The following GALNT10 variants were observed in gnomAD, a reference collection of about 807,000 sequenced individuals.
GALNT10 encodes GalNAc transferase 10.
A neutral mutation model predicts 75.0 loss-of-function variants in GALNT10; 41 were observed. The ratio of observed to expected loss-of-function variants is 0.55; its 90% CI spans 0.43 to 0.71. GALNT10 has a LOEUF of 0.71. GALNT10 is among the 30% of genes least tolerant of loss of function. The pLI is 0.00. For synonymous variants in GALNT10, 302 were observed against 313.0 expected, an observed-to-expected ratio of 0.96 and a Z score of 0.37; for missense variants, 727 against 818.5, an observed-to-expected ratio of 0.89 and a Z score of 1.36.
intron 2 of GALNT10, among the ~76,000 whole-genome samples, chr5:154,297,464 C>T (rs1002582383): frequency 3.3e-5 from 5 of 152,224 alleles, no homozygotes; most frequent in Admixed American, 6.5e-5. Flanking sequence ...AGGCAACTCT[C>T]ATTTGACTCT....
intron 4 of GALNT10, among the ~76,000 whole-genome samples, chr5:154,330,374 G>T (rs982696863): frequency 6.6e-6 from 1 of 152,254 alleles, no homozygotes; most frequent in African/African-American, 2.4e-5. Context: ...AGGAAAGGGA[G>T]AAGTGGATTA....
chr5:154,409,475 T>C lies in GALNT10; in HGVS notation c.1165-66T>C, dbSNP rs539126048. 65 of 1,055,050 alleles carry C rather than the reference T, an allele frequency of 6.2e-5. 2 individuals are homozygous for C. In the East Asian group the frequency reaches 1.2e-3, roughly 20 times the overall value. The allele number at this position is 1,055,050 out of a possible 1,614,324, so 65.4% of individuals were successfully genotyped here. On this transcript the variant is annotated intron_variant, in intron 8 of 11. Transcript: ENST00000297107. This position sits in a 1 kb window ranked among gnomAD's most constrained non-coding sequence, Gnocchi z 4.5. ...TTGACCTCGACCTGCCAGGACCCTTTTCACCCCACTGCCTGGCTTTGGCTT... is the reference window on the plus strand; with the variant it reads ...TTGACCTCGACCTGCCAGGACCCTTCTCACCCCACTGCCTGGCTTTGGCTT...
At chr5:154,285,898 C>G (rs1483421707) in intron 1 of GALNT10, among the ~76,000 whole-genome samples, 1 of 152,210 alleles carries the variant, frequency 6.6e-6, no homozygotes, top group African/African-American at 2.4e-5. Flanking sequence ...ACACACTGCT[C>G]TTCCAGGCCC....
At chr5:154,380,705 C>T (rs1352577396) in intron 6 of GALNT10, 74 bp downstream of exon 6, 21 of 1,039,568 alleles carry the variant, frequency 2.0e-5, no homozygotes, top group South Asian at 3.1e-5. Flanking sequence ...AACTCAGGAT[C>T]GCCATCTCCC....
At chr5:154,251,512 A>G (rs1176228941) in intron 1 of GALNT10, among the ~76,000 whole-genome samples, 1 of 152,158 alleles carries the variant, frequency 6.6e-6, no homozygotes, top group Non-Finnish European at 1.5e-5. Context: ...GGATCCAGAG[A>G]CTTGGTCAGA....
intron 1 of GALNT10, among the ~76,000 whole-genome samples, chr5:154,245,154 G>C (rs999161184): frequency 4.6e-5 from 7 of 152,192 alleles, no homozygotes; most frequent in African/African-American, 1.7e-4. Context: ...TTGAAGACTT[G>C]TGTGGTGATG....
In GALNT10 at chr5:154,219,834, T is replaced by TCACACACACACACACACACACACA. The variant is rs763537693; in HGVS notation, c.159+28810_159+28811insACACACACACACACACACACACAC. The stretch of plus-strand genomic sequence containing the variant: ...CGCGCTCTCTCTCTCTCTCTCTCTC[T>TCACACACACACACACACACACACA]CTCTCACACACACACACACACACAC... On this transcript the variant is annotated intron_variant, in intron 1 of 11. Transcript: ENST00000297107. Among the ~76,000 whole-genome samples, 85 of 129,696 alleles carry TCACACACACACACACACACACACA rather than the reference T, an allele frequency of 6.6e-4. 1 individual carries two copies. The highest frequency in any genetic ancestry group is 3.9e-3 in the Middle Eastern group (1 of 258). 85.1% of individuals were successfully genotyped at this position (129,696 alleles called of 152,430 possible).
At chr5:154,192,837 A>C (rs906122920) in intron 1 of GALNT10, among the ~76,000 whole-genome samples, 3 of 152,046 alleles carry the variant, frequency 2.0e-5, no homozygotes, top group African/African-American at 4.8e-5. Context: ...TTGGAGAAAG[A>C]CCTCGTATTT....
At chr5:154,196,871 G>A (rs756727672) in intron 1 of GALNT10, among the ~76,000 whole-genome samples, 12 of 152,138 alleles carry the variant, frequency 7.9e-5, no homozygotes, top group Non-Finnish European at 1.5e-4. Flanking sequence ...GAAGACTCTG[G>A]GTGCTGCTTT....
At position 154,416,480 on chromosome 5, in the gene GALNT10, TACACACACAC is replaced by T. The variant is rs70978542; in HGVS notation, c.1654-305_1654-296del. 2.8e-3 allele frequency among the ~76,000 whole-genome samples: 393 copies of T among 141,926 alleles called. 5 individuals carry two copies. The highest frequency in any genetic ancestry group is 8.8e-3 in the African/African-American group (325 of 36,906). The allele number at this position is 141,926 out of a possible 152,430, so 93.1% of individuals were successfully genotyped here. A position where few individuals can be genotyped will look rare whatever the true frequency, so the allele number is the denominator to read the frequency against. ...AAATAAAAGATAAAAGGAAAGCACA[TACACACACAC>T]ACACACACACACACACACACACACA... is the stretch of plus-strand genomic sequence containing the variant. On this transcript the variant is annotated intron_variant, in intron 11 of 11. Coordinates refer to ENST00000297107, the MANE Select transcript of GALNT10 (RefSeq NM_198321.4). This position sits in a 1 kb window ranked among gnomAD's most constrained non-coding sequence, Gnocchi z 4.5.
At chr5:154,377,789 T>G (rs1755679673) in intron 5 of GALNT10, among the ~76,000 whole-genome samples, 1 of 152,170 alleles carries the variant, frequency 6.6e-6, no homozygotes. Flanking sequence ...ACCCAGAATT[T>G]CTGGTAAACT....
At position 154,372,363 on chromosome 5, in the gene GALNT10, A is replaced by G. The variant is rs186799182; in HGVS notation, c.569-3914A>G. The stretch of plus-strand genomic sequence containing the variant: ...TGGAGAAAGTGGGCACCGAAGAACT[A>G]CATGTTGCTGTGCTGAAGTAATCAC... On this transcript the variant is annotated intron_variant, in intron 4 of 11. Coordinates refer to ENST00000297107, the MANE Select transcript of GALNT10 (RefSeq NM_198321.4). Among the ~76,000 whole-genome samples the G allele has an allele frequency of 2.1e-4, 32 of 152,350 alleles. No homozygotes were observed. The East Asian group carries it at 6.0e-3, about 28-fold the overall frequency.
rs1375036335 is a variant in GALNT10 at position 154,298,511 on chromosome 5, A to G, written c.401+432A>G. Among the ~76,000 whole-genome samples the G allele has an allele frequency of 6.6e-6, 1 of 152,226 alleles. No individual in the cohort carries two copies. Among genetic ancestry groups the G allele is most frequent in the East Asian group, 1.9e-4 (1 of 5,198 alleles). On this transcript the variant is annotated intron_variant, in intron 3 of 11. Coordinates refer to ENST00000297107, the MANE Select transcript of GALNT10 (RefSeq NM_198321.4). This position sits in a 1 kb window ranked among gnomAD's most constrained non-coding sequence, Gnocchi z 4.1. ...CAGACATATCAGAATGATTATAAAG[A>G]TGACAACAATGGCATCTAACATTCT... is the stretch of plus-strand genomic sequence containing the variant.
At chr5:154,311,631 A>G (rs929827138) in intron 3 of GALNT10, among the ~76,000 whole-genome samples, 1 of 149,770 alleles carries the variant, frequency 6.7e-6, no homozygotes, top group South Asian at 2.1e-4. Flanking sequence ...TTTTTTTTTA[A>G]GACAGATTCT....
chr5:154,274,595 C>T (rs1242978582), intron 1 of GALNT10, among the ~76,000 whole-genome samples: 1 of 152,104 alleles, frequency 6.6e-6, no homozygotes, highest in African/African-American at 2.4e-5. Context: ...ATGGCCTTGC[C>T]ACCTCTTCCT....
intron 5 of GALNT10, among the ~76,000 whole-genome samples, chr5:154,378,391 TG>T (rs1219893336): frequency 6.6e-6 from 1 of 152,134 alleles, no homozygotes; most frequent in Non-Finnish European, 1.5e-5. Context: ...CATTAACATT[TG>T]AATTTGACCA....
chr5:154,321,329 A>G (rs994711067), intron 3 of GALNT10, among the ~76,000 whole-genome samples: 4 of 145,906 alleles, frequency 2.7e-5, no homozygotes, highest in African/African-American at 1.0e-4. Flanking sequence ...TTTCTCCTTG[A>G]GACACGGTCT....
At chr5:154,208,764 T>C (rs909097048) in intron 1 of GALNT10, among the ~76,000 whole-genome samples, 11 of 152,140 alleles carry the variant, frequency 7.2e-5, no homozygotes, top group African/African-American at 2.2e-4. Flanking sequence ...TAAAGAATTA[T>C]TTACTGTAAC....
intron 8 of GALNT10, among the ~76,000 whole-genome samples, 177 bp downstream of exon 8, chr5:154,404,388 C>G (rs1240596980): frequency 2.0e-5 from 3 of 152,218 alleles, no homozygotes; most frequent in Non-Finnish European, 4.4e-5. Flanking sequence ...CTTAACCATT[C>G]ATTGCTATGT....
Sources: allele counts gnomAD v4.1 joint callset (sites outside exome capture counted in the v4.1 genomes callset), GRCh38; gene constraint gnomAD v4.1.1; non-coding constraint Gnocchi (gnomAD v3.1); transcripts MANE v1.5; gene names NCBI Gene and HGNC (gene_info 2026-07-23, HGNC 2026-07-21).